RSRC1: variants seen among roughly 807,000 people sequenced by gnomAD.
RSRC1 encodes the protein serine/Arginine-related protein 53.
A neutral mutation model predicts 49.1 loss-of-function variants in RSRC1; 39 were observed. The ratio of observed to expected loss-of-function variants is 0.79; its 90% CI spans 0.61 to 1.04. The LOEUF is 1.04. Ranked by LOEUF, RSRC1 falls within the 50% of genes least tolerant of loss-of-function variation. The pLI, the probability that RSRC1 is intolerant of heterozygous loss-of-function variation, is 0.00. For missense variants in RSRC1, 388 were observed against 402.4 expected (o/e 0.96, Z 0.31); for synonymous variants, 143 against 130.8 (o/e 1.09, Z -0.63).
intron 3 of RSRC1, among the ~76,000 whole-genome samples, chr3:158,194,250 G>T (rs1268552418): frequency 6.6e-6 from 1 of 151,580 alleles, no homozygotes; most frequent in South Asian, 2.1e-4. Flanking sequence ...CTCCAGCCTG[G>T]CTGACAGAGT....
intron 6 of RSRC1, among the ~76,000 whole-genome samples, chr3:158,456,849 C>A (rs955894041): frequency 6.6e-6 from 1 of 152,022 alleles, no homozygotes; most frequent in Non-Finnish European, 1.5e-5. Context: ...GGCTGTGAAG[C>A]ACTTTTTTAA....
intron 4 of RSRC1, among the ~76,000 whole-genome samples, chr3:158,266,954 C>G (rs827093): frequency 0.48 from 72,410 of 151,992 alleles, 17,806 homozygotes; most frequent in East Asian, 0.64. Flanking sequence ...TGTAGAGACA[C>G]TGTTTCGCTG....
chr3:158,122,998 G>A (rs181774543), intron 2 of RSRC1, among the ~76,000 whole-genome samples: 95 of 152,218 alleles, frequency 6.2e-4, no homozygotes, highest in African/African-American at 2.2e-3. Context: ...ATTTGAGTTG[G>A]TTCCAAGCCT....
At chr3:158,493,882 T>A (rs1739198020) in intron 7 of RSRC1, among the ~76,000 whole-genome samples, 1 of 152,184 alleles carries the variant, frequency 6.6e-6, no homozygotes, top group Non-Finnish European at 1.5e-5. Flanking sequence ...GTTAGTTACA[T>A]AAGGACTCGA....
intron 3 of RSRC1, among the ~76,000 whole-genome samples, chr3:158,142,534 T>G (rs571256193): frequency 1.3e-5 from 2 of 152,322 alleles, no homozygotes; most frequent in Admixed American, 1.3e-4. Context: ...AGGGTAGATA[T>G]GATGCATAGT....
intron 5 of RSRC1, among the ~76,000 whole-genome samples, chr3:158,341,765 G>A (rs1453988683): frequency 4.6e-5 from 7 of 152,124 alleles, no homozygotes; most frequent in South Asian, 2.1e-4. Context: ...AGCTTGAACC[G>A]TGTGCCTGGA....
chr3:158,466,936 G>A (rs776709014), intron 7 of RSRC1, among the ~76,000 whole-genome samples: 2 of 152,130 alleles, frequency 1.3e-5, no homozygotes, highest in Non-Finnish European at 2.9e-5. Context: ...GTGGCCATCT[G>A]TAATCCCACC....
chr3:158,136,708 CAG>C (rs1716397683), intron 3 of RSRC1: 1 of 152,162 alleles, frequency 6.6e-6, no homozygotes, highest in South Asian at 2.1e-4. Context: ...TTTCTTTTTG[CAG>C]AGTGTTTTTT....
chr3:158,254,007 C>T (rs776927852), intron 4 of RSRC1, among the ~76,000 whole-genome samples: 2 of 152,102 alleles, frequency 1.3e-5, no homozygotes, highest in African/African-American at 2.4e-5. Context: ...TAAGTGAGAA[C>T]GTGCAGTGTT....
In RSRC1 at chr3:158,528,943, A is replaced by G. The variant is rs987489428; in HGVS notation, c.653-8149A>G. Reference sequence around the variant, plus strand: ...GAAACCATTCTTGTTTTTTGTAACAATTGCTGAACAGTAAATAAAGAGCAG... The same window carrying G: ...GAAACCATTCTTGTTTTTTGTAACAGTTGCTGAACAGTAAATAAAGAGCAG... On this transcript the variant is annotated intron_variant, in intron 7 of 9. Coordinates refer to ENST00000611884, the MANE Select transcript of RSRC1 (RefSeq NM_001271838.2). 2.6e-5 allele frequency among the ~76,000 whole-genome samples: 4 copies of G among 151,960 alleles called. No individual in the cohort carries two copies. In the South Asian group the frequency reaches 8.3e-4, roughly 31 times the overall value.
rs1310628451 is a variant in RSRC1 at position 158,117,051 on chromosome 3, A to G, written c.-2-5052A>G. On this transcript the variant is annotated intron_variant, in intron 1 of 9. Transcript: ENST00000611884. ...AATGTCTTTATTCTAATCTCGTAGC[A>G]GAACAGTGATTTGGCTGGATAGAGA... Among the ~76,000 whole-genome samples the G allele has an allele frequency of 5.3e-5, 8 of 152,158 alleles. No homozygotes were observed. In the South Asian group the frequency reaches 1.7e-3, roughly 32 times the overall value.
At chr3:158,323,335 G>T (rs1445251874) in intron 5 of RSRC1, among the ~76,000 whole-genome samples, 1 of 152,078 alleles carries the variant, frequency 6.6e-6, no homozygotes, top group Non-Finnish European at 1.5e-5. Context: ...GTTAGTAAAT[G>T]ATTTGGGCAG....
chr3:158,481,851 A>G lies in RSRC1; in HGVS notation c.652+20848A>G, dbSNP rs572601869. ...GCTTTTTGTCATTTAAATGATAATA[A>G]TGTGGGCTCTACTAGAATGTGAGCT... On this transcript the variant is annotated intron_variant, in intron 7 of 9. Coordinates refer to ENST00000611884, the MANE Select transcript of RSRC1 (RefSeq NM_001271838.2). Among the ~76,000 whole-genome samples, 33 of 152,160 alleles carry G rather than the reference A, an allele frequency of 2.2e-4. No individual in the cohort carries two copies. In the East Asian group the frequency reaches 5.4e-3, roughly 25 times the overall value.
intron 4 of RSRC1, among the ~76,000 whole-genome samples, chr3:158,260,232 A>G (rs1156986976): frequency 6.6e-6 from 1 of 152,154 alleles, no homozygotes; most frequent in Non-Finnish European, 1.5e-5. Flanking sequence ...CAAGACCTGT[A>G]GTACATACTA....
rs1283989660 is a variant in RSRC1, at chr3:158,518,116, G to GCATATATA, written c.653-18976_653-18975insCATATATA. 1.4e-3 allele frequency among the ~76,000 whole-genome samples: 112 copies of GCATATATA among 80,344 alleles called. 13 individuals carry two copies. The highest frequency in any genetic ancestry group is 7.6e-3 in the African/African-American group (111 of 14,522). 52.7% of individuals were successfully genotyped at this position (80,344 alleles called of 152,430 possible). On this transcript the variant is annotated intron_variant, in intron 7 of 9. Coordinates refer to ENST00000611884, the MANE Select transcript of RSRC1 (RefSeq NM_001271838.2). The stretch of plus-strand genomic sequence containing the variant: ...CGTGCGTGTGTGTGTGTGTGTGTGT[G>GCATATATA]TGTGTGTGTGTATATATATATATAT...
chr3:158,495,286 T>C (rs1739272509), intron 7 of RSRC1, among the ~76,000 whole-genome samples: 1 of 151,948 alleles, frequency 6.6e-6, no homozygotes, highest in Non-Finnish European at 1.5e-5. Flanking sequence ...GGGTTTTTTG[T>C]TTGTTTGTTT....
intron 7 of RSRC1, among the ~76,000 whole-genome samples, chr3:158,492,123 G>A (rs1180145979): frequency 2.0e-5 from 3 of 152,110 alleles, no homozygotes; most frequent in Admixed American, 6.5e-5. Flanking sequence ...GAGAGTGGGC[G>A]AGCAAGGGGG....
intron 6 of RSRC1, among the ~76,000 whole-genome samples, chr3:158,455,740 G>A (rs1013313648): frequency 1.3e-5 from 2 of 152,036 alleles, no homozygotes; most frequent in Non-Finnish European, 2.9e-5. Flanking sequence ...AGCACTTTGG[G>A]AGGCCGAGAC....
intron 5 of RSRC1, among the ~76,000 whole-genome samples, chr3:158,325,130 C>T (rs1729046571): frequency 6.6e-6 from 1 of 152,010 alleles, no homozygotes; most frequent in Non-Finnish European, 1.5e-5. Context: ...GGATATTAGC[C>T]CTTTGTCAGA....
Sources: allele counts gnomAD v4.1 joint callset (sites outside exome capture counted in the v4.1 genomes callset), GRCh38; gene constraint gnomAD v4.1.1; transcripts MANE v1.5; gene names NCBI Gene and HGNC (gene_info 2026-07-23, HGNC 2026-07-21).